Variants in COMMD10 observed in about 807,000 individuals in gnomAD.
The protein encoded by COMMD10 is COMM domain containing 10, also known as COMM domain-containing protein 10.
COMMD10 carries 33 observed loss-of-function variants against 28.9 expected under a neutral mutation model. That is an observed-to-expected ratio of 1.14 (90% CI 0.87 to 1.53). The LOEUF (loss-of-function observed/expected upper bound fraction) is 1.53, where lower values mean the gene tolerates loss of function less well. COMMD10 is among the 40% of genes most tolerant of loss of function. COMMD10 has a pLI of 0.00. For synonymous variants in COMMD10, 110 were observed against 81.7 expected (o/e 1.35, Z -1.87); for missense variants, 310 against 233.4 (o/e 1.33, Z -2.14).
At chr5:116,177,894 G>A (rs1020292159) in intron 5 of COMMD10, among the ~76,000 whole-genome samples, 16 of 152,012 alleles carry the variant, frequency 1.1e-4, no homozygotes, top group African/African-American at 3.6e-4. Context: ...AATTTACACA[G>A]CACATAGTGG....
In COMMD10 at chr5:116,233,226, C is replaced by G. The variant is rs192480521; in HGVS notation, c.511-58291C>G. ...ATGTATGTGTGAGAGAGAAAGACTA[C>G]ATTCTCATGACTCTTATTACAGTAT... On this transcript the variant is annotated intron_variant, in intron 5 of 6. Transcript: ENST00000274458. Among the ~76,000 whole-genome samples, 730 of 152,204 alleles carry G rather than the reference C, an allele frequency of 4.8e-3. 6 individuals are homozygous for G. The highest frequency in any genetic ancestry group is 0.015 in the African/African-American group (619 of 41,514).
chr5:116,086,738 G>C (rs1212094442), intron 1 of COMMD10, among the ~76,000 whole-genome samples: 1 of 152,154 alleles, frequency 6.6e-6, no homozygotes, highest in Non-Finnish European at 1.5e-5. Flanking sequence ...GGGATTATAG[G>C]GGTGAGCCAC....
chr5:116,291,596 T>A lies in COMMD10; in HGVS notation c.570+20T>A. On this transcript the variant is annotated intron_variant, in intron 6 of 6. Transcript: ENST00000274458. The stretch of plus-strand genomic sequence containing the variant: ...AACAAGGTCTGTATTTTTAAAATAA[T>A]TTTCTAATATGTGGAGTTTTTTTCA... The A allele has an allele frequency of 1.5e-6, 2 of 1,365,656 alleles. No individual in the cohort carries two copies. The highest frequency in any genetic ancestry group is 2.0e-6 in the Non-Finnish European group (2 of 978,742). The allele number at this position is 1,365,656 out of a possible 1,614,324, so 84.6% of individuals were successfully genotyped here.
rs116272017 is a variant in COMMD10, at chr5:116,199,889, A to G, written c.510+65711A>G. ...AGCACCATGCCTGGCTTTCTTCTTC[A>G]CTTTTAAAGGGTGATTTCAAAGGGC... On this transcript the variant is annotated intron_variant, in intron 5 of 6. Coordinates refer to ENST00000274458, the MANE Select transcript of COMMD10 (RefSeq NM_016144.4). Among the ~76,000 whole-genome samples the G allele has an allele frequency of 4.8e-3, 726 of 152,134 alleles. 5 individuals are homozygous for G. Among genetic ancestry groups the G allele is most frequent in the African/African-American group, 0.015 (616 of 41,516 alleles).
At chr5:116,203,798 A>T (rs1414001792) in intron 5 of COMMD10, among the ~76,000 whole-genome samples, 1 of 152,178 alleles carries the variant, frequency 6.6e-6, no homozygotes, top group Non-Finnish European at 1.5e-5. Flanking sequence ...GCCAAAATGT[A>T]AAGACCATCG....
At chr5:116,151,404 C>A (rs537330987) in intron 5 of COMMD10, among the ~76,000 whole-genome samples, 64 of 151,962 alleles carry the variant, frequency 4.2e-4, no homozygotes, top group Non-Finnish European at 8.2e-4. Flanking sequence ...CCCTCTTTTT[C>A]TATTGATTGG....
At chr5:116,285,170 C>G (rs1225905998) in intron 5 of COMMD10, among the ~76,000 whole-genome samples, 2 of 151,832 alleles carry the variant, frequency 1.3e-5, no homozygotes, top group African/African-American at 4.9e-5. Context: ...AGACCTGAAA[C>G]AAGAGTAAAA....
chr5:116,284,138 A>T (rs912452849), intron 5 of COMMD10, among the ~76,000 whole-genome samples: 6 of 143,052 alleles, frequency 4.2e-5, no homozygotes, highest in Admixed American at 4.2e-4. Flanking sequence ...TCTCAAAAAT[A>T]AACAAACAAA....
chr5:116,244,995 G>A (rs757901640), intron 5 of COMMD10, among the ~76,000 whole-genome samples: 3 of 151,226 alleles, frequency 2.0e-5, no homozygotes, highest in Non-Finnish European at 2.9e-5. Context: ...GAGCTGAATT[G>A]AAGGAGATTG....
intron 5 of COMMD10, among the ~76,000 whole-genome samples, chr5:116,244,660 C>CAAAAAAAAAAAAAAAAAAAAAAAATAAA (rs60360733): frequency 1.3e-5 from 1 of 79,484 alleles, no homozygotes; most frequent in Non-Finnish European, 3.0e-5. Flanking sequence ...AAAAAAATTA[C>CAAAAAAAAAAAAAAAAAAAAAAAATAAA]AAAAAAAAAA....
At chr5:116,246,496 T>G (rs1365921249) in intron 5 of COMMD10, among the ~76,000 whole-genome samples, 1 of 151,148 alleles carries the variant, frequency 6.6e-6, no homozygotes, top group Non-Finnish European at 1.5e-5. Context: ...TATCTTAAAG[T>G]TCATCTGGAA....
intron 5 of COMMD10, among the ~76,000 whole-genome samples, chr5:116,211,071 T>C (rs1748951010): frequency 1.3e-5 from 2 of 152,186 alleles, no homozygotes; most frequent in South Asian, 4.1e-4. Context: ...TTGGAAAAAA[T>C]TATAATGGAA....
At chr5:116,200,361 A>G (rs529433165) in intron 5 of COMMD10, among the ~76,000 whole-genome samples, 1 of 151,860 alleles carries the variant, frequency 6.6e-6, no homozygotes, top group Non-Finnish European at 1.5e-5. Context: ...ATTTGTCTTT[A>G]TCTTCGATTT....
chr5:116,125,235 G>A (rs1036943770), intron 4 of COMMD10, among the ~76,000 whole-genome samples: 1 of 152,102 alleles, frequency 6.6e-6, no homozygotes, highest in African/African-American at 2.4e-5. Flanking sequence ...AGGAGCTCTT[G>A]TAAGGCAGGC....
intron 5 of COMMD10, among the ~76,000 whole-genome samples, chr5:116,203,038 G>T (rs376078953): frequency 2.0e-5 from 3 of 151,750 alleles, no homozygotes; most frequent in African/African-American, 4.8e-5. Flanking sequence ...TTTAAGTCTT[G>T]AATCCATCTT....
chr5:116,109,246 T>C (rs1750957748), intron 4 of COMMD10, among the ~76,000 whole-genome samples: 1 of 152,196 alleles, frequency 6.6e-6, no homozygotes, highest in Admixed American at 6.5e-5. Context: ...CAGTATTTTG[T>C]AGTTCTCCTT....
intron 5 of COMMD10, among the ~76,000 whole-genome samples, chr5:116,170,881 C>G (rs1402849031): frequency 6.6e-6 from 1 of 152,078 alleles, no homozygotes; most frequent in African/African-American, 2.4e-5. Flanking sequence ...ACCATAAAAA[C>G]CCTAGGAAAA....
intron 5 of COMMD10, among the ~76,000 whole-genome samples, chr5:116,165,760 A>G (rs1010700773): frequency 6.6e-6 from 1 of 152,048 alleles, no homozygotes. Context: ...CTCTTCTTAT[A>G]AAGGCACTCA....
At chr5:116,198,281 T>C (rs1005034216) in intron 5 of COMMD10, among the ~76,000 whole-genome samples, 1 of 152,192 alleles carries the variant, frequency 6.6e-6, no homozygotes, top group African/African-American at 2.4e-5. Flanking sequence ...CTATAAAGAA[T>C]AGCAAACATT....
Sources: allele counts gnomAD v4.1 joint callset (sites outside exome capture counted in the v4.1 genomes callset), GRCh38; gene constraint gnomAD v4.1.1; transcripts MANE v1.5; gene names NCBI Gene and HGNC (gene_info 2026-07-23, HGNC 2026-07-21).